The following CERS2 variants were observed in gnomAD, a reference collection of about 807,000 sequenced individuals.
CERS2 encodes the protein ceramide synthase 2, also known as LAG1 homolog, ceramide synthase 2.
CERS2 carries 20 observed loss-of-function variants against 56.6 expected under a neutral mutation model. The observed-to-expected ratio is 0.35, with a 90% CI of 0.25 to 0.51. CERS2 has a LOEUF of 0.51. Among genes scored for constraint, CERS2 ranks in the 20% least tolerant of loss-of-function variants. CERS2 has a pLI of 0.96. For missense variants in CERS2, 361 were observed against 488.6 expected (o/e 0.74, Z 2.46); for synonymous variants, 187 against 175.4 (o/e 1.07, Z -0.52).
chr1:150,967,738 A>T, intron 5 of CERS2, 24 bp from the exon 6 acceptor site: 1 of 1,613,068 alleles, frequency 6.2e-7, no homozygotes, highest in South Asian at 1.1e-5. Flanking sequence ...GTGAGAAGTT[A>T]AAAGAGGAGG....
chr1:150,968,242 G>A, intron 3 of CERS2, 41 bp from the exon 4 acceptor site: 22 of 1,584,240 alleles, frequency 1.4e-5, no homozygotes, highest in Non-Finnish European at 1.9e-5. Context: ...TTTACCTTCG[G>A]AACTCAGCAG....
At position 150,966,052 on chromosome 1, in the gene CERS2, CCTTTTTCCCCAGA is replaced by C; in HGVS notation, c.*83_*95del. 1 of 1,286,214 alleles carries C rather than the reference CCTTTTTCCCCAGA, an allele frequency of 7.8e-7. No homozygotes were observed. The highest frequency in any genetic ancestry group is 1.5e-5 in the South Asian group (1 of 66,944). The allele number at this position is 1,286,214 out of a possible 1,614,324, so 79.7% of individuals were successfully genotyped here. On this transcript the variant is annotated 3_prime_UTR_variant, in exon 11 of 11. Transcript: ENST00000368954. ...GCAGAGAACTCTCCTCTCACTTTCT[CCTTTTTCCCCAGA>C]GCTTAAAGTGACCCTATAGCGCAGG...
chr1:150,970,146 T>G (rs1217008633), intron 1 of CERS2, among the ~76,000 whole-genome samples: 2 of 147,412 alleles, frequency 1.4e-5, no homozygotes, highest in Non-Finnish European at 3.0e-5. Flanking sequence ...GAGGATCACT[T>G]GAGCCTGGGA....
In CERS2 at chr1:150,967,202, C is replaced by A. The variant is rs1671048277; in HGVS notation, c.613G>T (p.Asp205Tyr). 6.2e-7 allele frequency: 1 copy of A among 1,613,858 alleles called. No individual in the cohort carries two copies. Residue 205 changes from aspartate (D) to tyrosine (Y), a missense_variant and splice_region_variant, in exon 8 of 11, where the codon GAT (aspartate) becomes TAT (tyrosine). Asp to Tyr is a radical substitution (Grantham distance 160, BLOSUM62 -3). This residue lies in a region of CERS2 where 236 missense variants were observed against 309.2 expected (regional missense o/e 0.76). Coordinates refer to ENST00000368954, the MANE Select transcript of CERS2 (RefSeq NM_022075.5). The part of the protein sequence containing the change: ...FSIASDVKRK[D>Y]FKEQIIHHVA... The stretch of plus-strand genomic sequence containing the variant: ...TGGTGGATGATCTGTTCCTTGAAAT[C>A]CTGCAGAGATGATGCAGGCCCCAGG...
At chr1:150,971,405 G>A (rs976802737) in intron 1 of CERS2, among the ~76,000 whole-genome samples, 1 of 151,130 alleles carries the variant, frequency 6.6e-6, no homozygotes, top group South Asian at 2.1e-4. Context: ...AGCCTGTCAC[G>A]GGTCAGTATT....
In CERS2 at chr1:150,971,644, A is replaced by G. The variant is rs148121061; in HGVS notation, c.-1-2553T>C. Among the ~76,000 whole-genome samples the G allele has an allele frequency of 2.1e-3, 318 of 152,306 alleles. 2 individuals are homozygous for G. Among genetic ancestry groups the G allele is most frequent in the Middle Eastern group, 6.8e-3 (2 of 294 alleles). ...TTCTGAACTGAACAAAATTAAATGT[A>G]ATTATCCACAGTGGAACTTTCCCCA... On this transcript the variant is annotated intron_variant, in intron 1 of 10. Transcript: ENST00000368954.
At position 150,965,314 on chromosome 1, in the gene CERS2, G is replaced by A. The variant is rs930166568; in HGVS notation, c.*834C>T. 2 of 152,252 alleles carry A rather than the reference G, an allele frequency of 1.3e-5. No individual in the cohort carries two copies. Among genetic ancestry groups the A allele is most frequent in the African/African-American group, 4.8e-5 (2 of 41,406 alleles). The allele number at this position is 152,252 out of a possible 1,614,324, so 9.4% of individuals were successfully genotyped here. On this transcript the variant is annotated 3_prime_UTR_variant, in exon 11 of 11. Coordinates refer to ENST00000368954, the MANE Select transcript of CERS2 (RefSeq NM_022075.5). ...AATTTTTAAAAAAAACCCATTAACA[G>A]TACATTTTGGTCTAAAATGGTCCCT...
chr1:150,967,959 A>G (rs892083225), intron 4 of CERS2, 82 bp from the exon 5 acceptor site: 1 of 1,391,676 alleles, frequency 7.2e-7, no homozygotes, highest in African/African-American at 1.4e-5. Context: ...ATACCCTCAC[A>G]AGATACCATT....
In CERS2 at chr1:150,967,433, A is replaced by G; in HGVS notation, c.571T>C (p.Trp191Arg). The G allele has an allele frequency of 1.2e-6, 2 of 1,604,920 alleles. No individual in the cohort carries two copies. The highest frequency in any genetic ancestry group is 1.1e-5 in the South Asian group (1 of 90,866). ...GAGGCAATGCTGAAGAGCAGGGACCAGTAGAAGGAAAGTTCAATCATGTAG... is the reference window on the plus strand; with the variant it reads ...GAGGCAATGCTGAAGAGCAGGGACCGGTAGAAGGAAAGTTCAATCATGTAG... ...WYYMIELSFYWSLLFSIASDV... is the reference protein window; with the variant it reads ...WYYMIELSFYRSLLFSIASDV... The change falls in exon 7 of 11, where the codon TGG becomes CGG. Residue 191 changes from tryptophan (W) to arginine (R), a missense_variant. Trp to Arg is a moderately radical substitution (Grantham distance 101). This residue lies in a region of CERS2 where 236 missense variants were observed against 309.2 expected (regional missense o/e 0.76). Coordinates refer to ENST00000368954, the MANE Select transcript of CERS2 (RefSeq NM_022075.5).
intron 1 of CERS2, among the ~76,000 whole-genome samples, chr1:150,970,223 G>A (rs1043053876): frequency 6.5e-5 from 6 of 92,666 alleles, no homozygotes; most frequent in Non-Finnish European, 9.7e-5. Flanking sequence ...GTGAGACTCT[G>A]TCTCAAAAAA....
At position 150,968,044 on chromosome 1, in the gene CERS2, T is replaced by C. The variant is rs776579452; in HGVS notation, c.410+39A>G. On this transcript the variant is annotated intron_variant, in intron 4 of 10. Transcript: ENST00000368954. ...TCCCTCCCAGCAAGACACATCAGGATATTCCTTGTCACCCAGCTTCTGCCC... is the reference window on the plus strand; with the variant it reads ...TCCCTCCCAGCAAGACACATCAGGACATTCCTTGTCACCCAGCTTCTGCCC... The C allele has an allele frequency of 7.0e-6, 11 of 1,574,002 alleles. No homozygotes were observed. In the South Asian group the frequency reaches 1.1e-4, roughly 16 times the overall value.
At chr1:150,968,856 T>TG (rs1671103750) in intron 2 of CERS2, 62 bp downstream of exon 2, 2 of 1,507,104 alleles carry the variant, frequency 1.3e-6, no homozygotes. Flanking sequence ...GGAACAAACT[T>TG]GAAGTCCAAG....
chr1:150,971,969 G>A (rs1363997590), intron 1 of CERS2: 1 of 465,808 alleles, frequency 2.1e-6, no homozygotes, highest in Non-Finnish European at 4.5e-6. Flanking sequence ...AAACTGGCAG[G>A]GATGTTTCTC....
intron 4 of CERS2, 54 bp downstream of exon 4, chr1:150,968,029 C>G: frequency 6.5e-7 from 1 of 1,536,892 alleles, no homozygotes; most frequent in South Asian, 1.1e-5. Flanking sequence ...TCCCTCCCAG[C>G]AAGACACATC....
chr1:150,966,735 G>A, intron 9 of CERS2, 21 bp downstream of exon 9: 1 of 1,605,164 alleles, frequency 6.2e-7, no homozygotes, highest in Middle Eastern at 1.7e-4. Flanking sequence ...GAACAGGAGT[G>A]TAGCCTAGCT....
intron 1 of CERS2, chr1:150,974,246 C>T (rs1558035084): frequency 6.6e-6 from 1 of 152,224 alleles, no homozygotes. Context: ...AGCTCCTCCA[C>T]TCCCCAACAA....
chr1:150,967,271 T>A (rs1228762490), intron 7 of CERS2, 69 bp from the exon 8 acceptor site: 7 of 1,551,692 alleles, frequency 4.5e-6, no homozygotes, highest in Middle Eastern at 1.7e-4. Flanking sequence ...TCTTACCCCT[T>A]GCCTTTGGTT....
chr1:150,968,956 CA>C lies in CERS2; in HGVS notation c.134del (p.Leu45ArgfsTer24), dbSNP rs1258592849. ...KASDLYITLPLALLFLIVRYF... is the reference protein window; with the variant it reads ...KASDLYITLPXALLFLIVRYF... ...ATCGAACGATGAGGAAGAGCAAGGC[CA>C]GGGGCAGCGTGATATAGAGATCTGA... On this transcript the variant is annotated frameshift_variant, in exon 2 of 11. Coordinates refer to ENST00000368954, the MANE Select transcript of CERS2 (RefSeq NM_022075.5). LOFTEE classifies it high-confidence loss of function. The C allele has an allele frequency of 6.2e-7, 1 of 1,613,900 alleles. No homozygotes were observed. The highest frequency in any genetic ancestry group is 8.5e-7 in the Non-Finnish European group (1 of 1,180,018).
intron 2 of CERS2, among the ~76,000 whole-genome samples, 184 bp downstream of exon 2, chr1:150,968,734 C>T (rs904895638): frequency 6.6e-6 from 1 of 152,090 alleles, no homozygotes; most frequent in Non-Finnish European, 1.5e-5. Flanking sequence ...TGGAAAGGGC[C>T]TGGGGGTGCT....
Sources: allele counts gnomAD v4.1 joint callset (sites outside exome capture counted in the v4.1 genomes callset), GRCh38; gene constraint gnomAD v4.1.1; regional missense constraint gnomAD v4.1.1; transcripts MANE v1.5; gene names NCBI Gene and HGNC (gene_info 2026-07-23, HGNC 2026-07-21).